The following CASK variants were observed in gnomAD, a reference collection of about 807,000 sequenced individuals.
The protein encoded by CASK is peripheral plasma membrane protein CASK.
Under a neutral mutation model 82.9 loss-of-function variants are expected in CASK, and 4 were observed. That is an observed-to-expected ratio of 0.05 (90% confidence interval 0.02 to 0.11). The LOEUF (loss-of-function observed/expected upper bound fraction) is 0.11, where lower values mean the gene tolerates loss of function less well. Ranked by LOEUF, CASK falls within the 10% of genes least tolerant of loss-of-function variation. The pLI, the probability that CASK is intolerant of heterozygous loss-of-function variation, is 1.00. For synonymous variants in CASK, 259 were observed against 253.5 expected (o/e 1.02, Z -0.20); for missense variants, 358 against 720.9 (o/e 0.50, Z 5.76).
chrX:41,728,006 C>T, intron 5 of CASK: 1 of 1,137,188 alleles, frequency 8.8e-7, no homozygotes. Context: ...TTTACAAAGT[C>T]TAATTCAGCA....
intron 5 of CASK, among the ~76,000 whole-genome samples, chrX:41,687,829 A>G (rs770892499): frequency 1.1e-3 from 121 of 108,329 alleles, no homozygotes; most frequent in Non-Finnish European, 1.4e-3. Flanking sequence ...ATGGTGGTGC[A>G]TGTCTGTAAT....
chrX:41,808,122 C>T (rs748228279), intron 2 of CASK, among the ~76,000 whole-genome samples: 39 of 111,906 alleles, frequency 3.5e-4, no homozygotes, highest in African/African-American at 1.2e-3. Context: ...CCCAAAGTGC[C>T]AGGATTACAG....
At chrX:41,564,599 T>C (rs1407142818) in intron 16 of CASK, among the ~76,000 whole-genome samples, 1 of 111,709 alleles carries the variant, frequency 9.0e-6, no homozygotes, top group African/African-American at 3.3e-5. Context: ...CTGCCGGTCC[T>C]AGCCAGTGCA....
At chrX:41,685,773 G>A (rs1039707599) in intron 5 of CASK, among the ~76,000 whole-genome samples, 1 of 111,827 alleles carries the variant, frequency 8.9e-6, no homozygotes, top group Non-Finnish European at 1.9e-5. Flanking sequence ...ATGAAGAACT[G>A]CGCCCGGCTT....
At chrX:41,678,625 A>G (rs1391477669) in intron 5 of CASK, among the ~76,000 whole-genome samples, 9 of 111,391 alleles carry the variant, frequency 8.1e-5, no homozygotes, top group Non-Finnish European at 1.7e-4. Flanking sequence ...ACCCATCATT[A>G]TAAGATTCAC....
chrX:41,812,773 A>T (rs1177447395), intron 2 of CASK, among the ~76,000 whole-genome samples: 4 of 111,372 alleles, frequency 3.6e-5, no homozygotes, highest in Non-Finnish European at 3.8e-5. Flanking sequence ...ATAAAGGGTA[A>T]CCAATTAGGA....
At chrX:41,898,622 T>C (rs1389563769) in intron 1 of CASK, among the ~76,000 whole-genome samples, 1 of 111,952 alleles carries the variant, frequency 8.9e-6, no homozygotes, top group Non-Finnish European at 1.9e-5. Flanking sequence ...CCCATAAGTT[T>C]TGGTATGTTG....
intron 12 of CASK, among the ~76,000 whole-genome samples, chrX:41,590,546 A>T (rs756759739): frequency 4.6e-5 from 5 of 109,234 alleles, no homozygotes; most frequent in Non-Finnish European, 7.6e-5. Flanking sequence ...AAAGAAACTA[A>T]ATATATTTCT....
At chrX:41,700,956 G>T (rs866172611) in intron 5 of CASK, among the ~76,000 whole-genome samples, 1 of 39,985 alleles carries the variant, frequency 2.5e-5, no homozygotes, top group African/African-American at 1.0e-4. Flanking sequence ...AAAAAAAAAA[G>T]GTTCCTGTTA....
At chrX:41,611,889 C>T (rs2066061109) in intron 11 of CASK, among the ~76,000 whole-genome samples, 1 of 111,093 alleles carries the variant, frequency 9.0e-6, no homozygotes, top group Non-Finnish European at 1.9e-5. Context: ...TTGGTGGAGA[C>T]GGGGTTTCGC....
intron 4 of CASK, among the ~76,000 whole-genome samples, chrX:41,744,346 T>TA (rs1270320600): frequency 4.6e-5 from 5 of 108,654 alleles, no homozygotes; most frequent in African/African-American, 1.7e-4. Flanking sequence ...CATATTTACT[T>TA]CTTTTTTTTT....
At chrX:41,650,583 C>A (rs2066849981) in intron 8 of CASK, among the ~76,000 whole-genome samples, 1 of 105,784 alleles carries the variant, frequency 9.5e-6, no homozygotes, top group Admixed American at 1.0e-4. Flanking sequence ...GCTCTGTCTC[C>A]CAGGTTGGAG....
intron 21 of CASK, among the ~76,000 whole-genome samples, chrX:41,548,731 G>C (rs1265328511): frequency 8.9e-6 from 1 of 111,858 alleles, no homozygotes; most frequent in Non-Finnish European, 1.9e-5. Context: ...CAGAATTGAG[G>C]AATTTTTTGA....
chrX:41,530,534 T>C (rs888165040), intron 25 of CASK, among the ~76,000 whole-genome samples: 1 of 112,038 alleles, frequency 8.9e-6, no homozygotes, highest in Non-Finnish European at 1.9e-5. Context: ...CACTCATGCT[T>C]GCTTTCATAA....
At chrX:41,574,167 TCTC>T (rs2065455874) in intron 15 of CASK, among the ~76,000 whole-genome samples, 1 of 111,081 alleles carries the variant, frequency 9.0e-6, no homozygotes, top group Non-Finnish European at 1.9e-5. Flanking sequence ...TGTGCAGCTC[TCTC>T]CTCTTCAGTA....
At chrX:41,538,928 C>T (rs138356118) in intron 22 of CASK, among the ~76,000 whole-genome samples, 185 of 111,420 alleles carry the variant, frequency 1.7e-3, no homozygotes, top group African/African-American at 3.7e-3. Context: ...GGGAGTGGTG[C>T]GGACAGTGTG....
chrX:41,862,624 AG>A (rs2071513976), intron 1 of CASK, among the ~76,000 whole-genome samples: 1 of 108,907 alleles, frequency 9.2e-6, no homozygotes, highest in Non-Finnish European at 1.9e-5. Flanking sequence ...CTGGAGGGTG[AG>A]AAGTGGCTGG....
At chrX:41,573,410 C>A (rs5964014) in intron 15 of CASK, among the ~76,000 whole-genome samples, 16,124 of 109,663 alleles carry the variant, frequency 0.15, 955 homozygotes, top group Middle Eastern at 0.19. Context: ...TCAAACATTT[C>A]TTCTTTCTTT....
chrX:41,602,410 T>C (rs1432387862), intron 12 of CASK, among the ~76,000 whole-genome samples: 1 of 111,835 alleles, frequency 8.9e-6, no homozygotes, highest in Non-Finnish European at 1.9e-5. Context: ...TGCTCACATA[T>C]AGAAATTTAG....
Sources: gnomAD v4.1 joint callset for allele counts (sites outside exome capture counted in the v4.1 genomes callset) on GRCh38, gnomAD v4.1.1 for gene constraint, MANE v1.5 for transcripts, NCBI Gene and HGNC (gene_info 2026-07-23, HGNC 2026-07-21) for gene names.